CHTF8: variants seen among roughly 807,000 people sequenced by gnomAD.
CHTF8 encodes chromosome transmission fidelity protein 8 homolog.
A neutral mutation model predicts 11.0 loss-of-function variants in CHTF8; 6 were observed. The ratio of observed to expected loss-of-function variants is 0.55; its 90% confidence interval spans 0.30 to 1.08. The LOEUF is 1.08. Among genes scored for constraint, CHTF8 ranks in the 50% least tolerant of loss-of-function variants. The pLI is 0.07. For synonymous variants in CHTF8, 53 were observed against 60.5 expected (o/e 0.88, Z 0.57); for missense variants, 140 against 153.1 (o/e 0.91, Z 0.45).
chr16:69,119,477 C>A lies in CHTF8; in HGVS notation c.*948G>T. 1 of 703,008 alleles carries A rather than the reference C, an allele frequency of 1.4e-6. No homozygotes were observed. The highest frequency in any genetic ancestry group is 2.6e-6 in the Non-Finnish European group (1 of 385,022). The allele number at this position is 703,008 out of a possible 1,614,324, so 43.5% of individuals were successfully genotyped here. On this transcript the variant is annotated 3_prime_UTR_variant, in exon 4 of 4. Coordinates refer to ENST00000448552, the MANE Select transcript of CHTF8 (RefSeq NM_001039690.5). Reference sequence around the variant, plus strand: ...AGGCCAATTCCCCGAGAGCTAGGACCCGAGTTTGGGCCCATGGGGCCAGGT... The same window carrying A: ...AGGCCAATTCCCCGAGAGCTAGGACACGAGTTTGGGCCCATGGGGCCAGGT...
At position 69,124,973 on chromosome 16, in the gene CHTF8, C is replaced by T. The variant is rs898456924; in HGVS notation, c.-35-3480G>A. Among the ~76,000 whole-genome samples, 13 of 152,020 alleles carry T rather than the reference C, an allele frequency of 8.6e-5. No individual in the cohort carries two copies. The East Asian group carries it at 2.5e-3, about 29-fold the overall frequency. On this transcript the variant is annotated intron_variant, in intron 1 of 3. Coordinates refer to ENST00000448552, the MANE Select transcript of CHTF8 (RefSeq NM_001039690.5). Reference sequence around the variant, plus strand: ...AGGCTGGAGTGCAATGGCGCGATCTCGGCTCACCGCAACCTCCACCTCCCG... The same window carrying T: ...AGGCTGGAGTGCAATGGCGCGATCTTGGCTCACCGCAACCTCCACCTCCCG...
rs555295385 is a variant in CHTF8 at position 69,127,830 on chromosome 16, G to A, written c.-36+4654C>T. Among the ~76,000 whole-genome samples the A allele has an allele frequency of 9.9e-5, 15 of 151,966 alleles. No individual in the cohort carries two copies. The South Asian group carries it at 2.7e-3, about 27-fold the overall frequency. On this transcript the variant is annotated intron_variant, in intron 1 of 3. Transcript: ENST00000448552. ...TCACCATCTTGGCCAGGCTAGTCTC[G>A]AACTCCTGACCTCAAGTGATCTGCC...
intron 1 of CHTF8, among the ~76,000 whole-genome samples, chr16:69,121,834 AT>A (rs1204306667): frequency 6.6e-6 from 1 of 151,684 alleles, no homozygotes; most frequent in Non-Finnish European, 1.5e-5. Context: ...CGGCCGGCTA[AT>A]TTTTTTTGTA....
At chr16:69,121,932 G>A (rs1961703555) in intron 1 of CHTF8, among the ~76,000 whole-genome samples, 1 of 152,120 alleles carries the variant, frequency 6.6e-6, no homozygotes, top group Non-Finnish European at 1.5e-5. Flanking sequence ...GCCTCCCAAA[G>A]TGCTGGGATT....
rs776100018 is a variant in CHTF8, at chr16:69,119,953, G to A, written c.*472C>T. 1.4e-6 allele frequency: 1 copy of A among 701,454 alleles called. No homozygotes were observed. The highest frequency in any genetic ancestry group is 1.7e-5 in the African/African-American group (1 of 57,234). 43.5% of individuals were successfully genotyped at this position (701,454 alleles called of 1,614,324 possible). A position where few individuals can be genotyped will look rare whatever the true frequency, so the allele number is the denominator to read the frequency against. On this transcript the variant is annotated 3_prime_UTR_variant, in exon 4 of 4. Coordinates refer to ENST00000448552, the MANE Select transcript of CHTF8 (RefSeq NM_001039690.5). Reference sequence around the variant, plus strand: ...TGCTCCCAGGAGACCACCTGCCCTTGGGTTGGACATAGGACCTGGTCCTGG... The same window carrying A: ...TGCTCCCAGGAGACCACCTGCCCTTAGGTTGGACATAGGACCTGGTCCTGG...
intron 1 of CHTF8, among the ~76,000 whole-genome samples, chr16:69,128,933 G>A (rs777283177): frequency 1.3e-5 from 2 of 151,946 alleles, no homozygotes; most frequent in Non-Finnish European, 2.9e-5. Flanking sequence ...GCATGGTGGC[G>A]CTCACCTGTA....
chr16:69,118,260 G>A lies in CHTF8; in HGVS notation c.*2165C>T. The stretch of plus-strand genomic sequence containing the variant: ...AAATCTGGCCACCTCTAAGTCCCAG[G>A]AGAAGGGAGCTGCAGGCCCAGTCAG... On this transcript the variant is annotated 3_prime_UTR_variant, in exon 4 of 4. Coordinates refer to ENST00000448552, the MANE Select transcript of CHTF8 (RefSeq NM_001039690.5). 2.5e-6 allele frequency: 2 copies of A among 794,882 alleles called. No homozygotes were observed. The highest frequency in any genetic ancestry group is 2.6e-5 in the East Asian group (1 of 38,500). 49.2% of individuals were successfully genotyped at this position (794,882 alleles called of 1,614,324 possible). A position where few individuals can be genotyped will look rare whatever the true frequency, so the allele number is the denominator to read the frequency against.
chr16:69,125,154 T>A (rs937833997), intron 1 of CHTF8, among the ~76,000 whole-genome samples: 1 of 152,154 alleles, frequency 6.6e-6, no homozygotes. Flanking sequence ...TACGCCCGCG[T>A]TGCCCTCCAA....
chr16:69,130,423 ATT>A (rs2152273313), intron 1 of CHTF8, among the ~76,000 whole-genome samples: 1 of 152,138 alleles, frequency 6.6e-6, no homozygotes, highest in Admixed American at 6.5e-5. Flanking sequence ...ACAATTTTCT[ATT>A]TTTTGCTAGG....
intron 1 of CHTF8, among the ~76,000 whole-genome samples, chr16:69,123,934 A>C (rs1462365855): frequency 7.3e-6 from 1 of 136,992 alleles, no homozygotes; most frequent in Non-Finnish European, 1.7e-5. Context: ...CTAAAAAAAA[A>C]AAAAAAAAAA....
intron 1 of CHTF8, among the ~76,000 whole-genome samples, chr16:69,124,348 C>T (rs1366227789): frequency 6.6e-6 from 1 of 152,186 alleles, no homozygotes; most frequent in Non-Finnish European, 1.5e-5. Flanking sequence ...ATGTTTACCA[C>T]CTGTAGTATG....
chr16:69,129,347 G>A (rs1268535474), intron 1 of CHTF8, among the ~76,000 whole-genome samples: 4 of 148,374 alleles, frequency 2.7e-5, no homozygotes, highest in Admixed American at 1.4e-4. Flanking sequence ...GGAGAATGGC[G>A]TGAACCCAGG....
chr16:69,128,230 A>G (rs891270936), intron 1 of CHTF8, among the ~76,000 whole-genome samples: 1 of 152,212 alleles, frequency 6.6e-6, no homozygotes, highest in African/African-American at 2.4e-5. Context: ...TCTTAAGAGC[A>G]GAGTTCAACC....
intron 1 of CHTF8, chr16:69,132,162 C>A: frequency 6.5e-6 from 1 of 153,228 alleles, no homozygotes; most frequent in Non-Finnish European, 1.4e-5. Context: ...GCCCTTCTCC[C>A]GCTCCGCCCC....
chr16:69,118,190 T>A lies in CHTF8; in HGVS notation c.*2235A>T, dbSNP rs1172866476. On this transcript the variant is annotated 3_prime_UTR_variant, in exon 4 of 4. Transcript: ENST00000448552. Reference sequence around the variant, plus strand: ...TTAAATTTTGAGGTTCTTTGATTGATTGGGAGTACCAGTGAAGAGGGAGTT... The same window carrying A: ...TTAAATTTTGAGGTTCTTTGATTGAATGGGAGTACCAGTGAAGAGGGAGTT... 7 of 605,970 alleles carry A rather than the reference T, an allele frequency of 1.2e-5. No individual in the cohort carries two copies. Among genetic ancestry groups the A allele is most frequent in the Non-Finnish European group, 2.1e-5 (7 of 338,106 alleles). 37.5% of individuals were successfully genotyped at this position (605,970 alleles called of 1,614,324 possible).
rs185866245 is a variant in CHTF8 at position 69,119,798 on chromosome 16, G to C, written c.*627C>G. Reference sequence around the variant, plus strand: ...CCTAAAAAGCCTGATCTCAGATTGGGGTTTGGTCCTGGGCCCAGGCCAACT... The same window carrying C: ...CCTAAAAAGCCTGATCTCAGATTGGCGTTTGGTCCTGGGCCCAGGCCAACT... On this transcript the variant is annotated 3_prime_UTR_variant, in exon 4 of 4. Transcript: ENST00000448552. 4.0e-3 allele frequency: 2,784 copies of C among 700,658 alleles called. 18 individuals carry two copies. The highest frequency in any genetic ancestry group is 0.013 in the South Asian group (902 of 67,500). The allele number at this position is 700,658 out of a possible 1,614,324, so 43.4% of individuals were successfully genotyped here. A position where few individuals can be genotyped will look rare whatever the true frequency, so the allele number is the denominator to read the frequency against.
At chr16:69,125,268 GAATTTTTACTGTGC>G (rs1277381633) in intron 1 of CHTF8, among the ~76,000 whole-genome samples, 5 of 152,052 alleles carry the variant, frequency 3.3e-5, no homozygotes, top group African/African-American at 1.2e-4. Flanking sequence ...TTTTACTGTG[GAATTTTTACTGTGC>G]ATATATATTG....
intron 1 of CHTF8, among the ~76,000 whole-genome samples, chr16:69,131,624 C>T (rs1398924867): frequency 6.7e-6 from 1 of 148,562 alleles, no homozygotes; most frequent in Non-Finnish European, 1.5e-5. Flanking sequence ...CACCCCCCTC[C>T]AAATTACAAG....
rs1330678921 is a variant in CHTF8 at position 69,119,283 on chromosome 16, T to C, written c.*1142A>G. The C allele has an allele frequency of 5.7e-6, 4 of 702,958 alleles. No homozygotes were observed. In the East Asian group the frequency reaches 1.1e-4, roughly 19 times the overall value. 43.5% of individuals were successfully genotyped at this position (702,958 alleles called of 1,614,324 possible). A position where few individuals can be genotyped will look rare whatever the true frequency, so the allele number is the denominator to read the frequency against. On this transcript the variant is annotated 3_prime_UTR_variant, in exon 4 of 4. Transcript: ENST00000448552. ...GGCCAGCGGACCTTTGGAAGGTAGC[T>C]GGGTTTGATGCCAATGTGCCAGAAG...
Sources: gnomAD v4.1 joint callset for allele counts (sites outside exome capture counted in the v4.1 genomes callset) on GRCh38, gnomAD v4.1.1 for gene constraint, MANE v1.5 for transcripts, NCBI Gene and HGNC (gene_info 2026-07-23, HGNC 2026-07-21) for gene names.